PTDSS1: variants seen among roughly 807,000 people sequenced by gnomAD.
PTDSS1 encodes the protein phosphatidylserine synthase 1, also known as PSS-1.
In PTDSS1, 45 loss-of-function variants were observed where a neutral mutation model predicts 70.5. That is an observed-to-expected ratio of 0.64 (90% CI 0.50 to 0.82). PTDSS1 has a LOEUF of 0.82. Among genes scored for constraint, PTDSS1 ranks in the 40% least tolerant of loss-of-function variants. The probability of loss-of-function intolerance (pLI) is 0.00; values close to 1 mark genes in which losing one functional copy is unlikely to be tolerated. For missense variants in PTDSS1, 417 were observed against 586.1 expected, an observed-to-expected ratio of 0.71 and a Z score of 2.98; for synonymous variants, 188 against 203.8, an observed-to-expected ratio of 0.92 and a Z score of 0.66.
chr8:96,290,353 G>A (rs1390315431), intron 4 of PTDSS1, among the ~76,000 whole-genome samples: 1 of 152,178 alleles, frequency 6.6e-6, no homozygotes, highest in African/African-American at 2.4e-5. Context: ...GTGCTTGTGT[G>A]CCTCTGCTGA....
At chr8:96,330,647 T>A (rs1376225247) in intron 11 of PTDSS1, 1 of 369,804 alleles carries the variant, frequency 2.7e-6, no homozygotes, top group African/African-American at 2.0e-5. Flanking sequence ...CTGTGGCTCT[T>A]CTGGGCAAAC....
intron 7 of PTDSS1, among the ~76,000 whole-genome samples, 161 bp downstream of exon 7, chr8:96,304,342 G>A (rs754806146): frequency 1.3e-5 from 2 of 152,218 alleles, no homozygotes; most frequent in East Asian, 1.9e-4. Context: ...GCAAAGTGAT[G>A]TTGTTATGCC....
intron 2 of PTDSS1, among the ~76,000 whole-genome samples, chr8:96,279,673 G>T (rs1000318751): frequency 7.2e-5 from 11 of 151,982 alleles, no homozygotes; most frequent in Admixed American, 4.6e-4. Context: ...ACAAAAATTA[G>T]CCAGGTGGGG....
chr8:96,291,111 C>T (rs2130067768), intron 4 of PTDSS1, among the ~76,000 whole-genome samples: 1 of 152,074 alleles, frequency 6.6e-6, no homozygotes, highest in Admixed American at 6.6e-5. Context: ...TTAATGCTGA[C>T]CCAGCTTTTC....
chr8:96,277,403 C>A (rs531702654), intron 2 of PTDSS1, among the ~76,000 whole-genome samples: 16 of 152,226 alleles, frequency 1.1e-4, no homozygotes, highest in Non-Finnish European at 2.1e-4. Flanking sequence ...AGGCCACAGG[C>A]CTCCCCAGGA....
intron 1 of PTDSS1, among the ~76,000 whole-genome samples, chr8:96,271,074 G>A (rs1810559067): frequency 6.6e-6 from 1 of 152,154 alleles, no homozygotes; most frequent in African/African-American, 2.4e-5. Context: ...AGAGAATGAT[G>A]TATTCACGTC....
chr8:96,329,454 T>A lies in PTDSS1; in HGVS notation c.1174-759T>A, dbSNP rs143203208. Among the ~76,000 whole-genome samples, 1,003 of 152,234 alleles carry A rather than the reference T, an allele frequency of 6.6e-3. 7 individuals carry two copies. Among genetic ancestry groups the A allele is most frequent in the Middle Eastern group, 0.024 (7 of 294 alleles). On this transcript the variant is annotated intron_variant, in intron 10 of 12. Transcript: ENST00000517309. Reference sequence around the variant, plus strand: ...TCCTAAGCTTTGATTTTTTGACATGTTTTGAAACTTTGGATTCTTGTCTGT... The same window carrying A: ...TCCTAAGCTTTGATTTTTTGACATGATTTGAAACTTTGGATTCTTGTCTGT...
intron 1 of PTDSS1, among the ~76,000 whole-genome samples, chr8:96,265,553 G>C (rs1222972989): frequency 2.0e-5 from 3 of 152,048 alleles, no homozygotes; most frequent in Non-Finnish European, 4.4e-5. Context: ...TTTCCAGCCT[G>C]GACAACATGG....
At position 96,331,612 on chromosome 8, in the gene PTDSS1, C is replaced by T. The variant is rs138323909; in HGVS notation, c.1312+517C>T. On this transcript the variant is annotated intron_variant, in intron 12 of 12. Transcript: ENST00000517309. ...AGAAAAGAAAAGAAAAAGAAACATGCAAAATGCTCACAGGATCTGAGTGAA... is the reference window on the plus strand; with the variant it reads ...AGAAAAGAAAAGAAAAAGAAACATGTAAAATGCTCACAGGATCTGAGTGAA... Among the ~76,000 whole-genome samples the T allele has an allele frequency of 4.9e-4, 74 of 151,830 alleles. 1 individual carries two copies. Among genetic ancestry groups the T allele is most frequent in the Non-Finnish European group, 9.7e-4 (66 of 67,916 alleles).
chr8:96,297,483 T>C (rs1810991894), intron 5 of PTDSS1, among the ~76,000 whole-genome samples: 1 of 152,084 alleles, frequency 6.6e-6, no homozygotes, highest in African/African-American at 2.4e-5. Context: ...AGGCCTCCAT[T>C]ACTCTTAAAA....
At position 96,297,935 on chromosome 8, in the gene PTDSS1, C is replaced by T. The variant is rs374238556; in HGVS notation, c.601-1759C>T. On this transcript the variant is annotated intron_variant, in intron 5 of 12. Coordinates refer to ENST00000517309, the MANE Select transcript of PTDSS1 (RefSeq NM_014754.3). ...TGTAGTGAATGAAAGAATGCAGCCC[C>T]CTCCTCCTTGGGCTTGGGTCTATCG... Among the ~76,000 whole-genome samples the T allele has an allele frequency of 2.0e-5, 3 of 152,354 alleles. No homozygotes were observed. In the East Asian group the frequency reaches 5.8e-4, roughly 29 times the overall value.
chr8:96,313,602 G>T (rs1465584401), intron 9 of PTDSS1, among the ~76,000 whole-genome samples: 1 of 152,220 alleles, frequency 6.6e-6, no homozygotes, highest in African/African-American at 2.4e-5. Flanking sequence ...GCAGTGCACA[G>T]TTGCTTTTCC....
intron 2 of PTDSS1, among the ~76,000 whole-genome samples, chr8:96,274,354 C>G (rs1434124274): frequency 2.0e-5 from 3 of 152,134 alleles, no homozygotes; most frequent in African/African-American, 7.2e-5. Context: ...TGTTCCATGT[C>G]AAGGCCTTCA....
intron 7 of PTDSS1, 36 bp downstream of exon 7, chr8:96,304,217 CA>C: frequency 6.3e-7 from 1 of 1,576,042 alleles, no homozygotes; most frequent in Non-Finnish European, 8.6e-7. Flanking sequence ...GGGAGGAAAA[CA>C]AAAACTAAAA....
intron 2 of PTDSS1, among the ~76,000 whole-genome samples, chr8:96,276,204 C>T (rs1810638495): frequency 6.6e-6 from 1 of 152,226 alleles, no homozygotes; most frequent in African/African-American, 2.4e-5. Context: ...GTACAGGCGT[C>T]CCTTCTCTAA....
intron 4 of PTDSS1, 136 bp downstream of exon 4, chr8:96,287,282 G>T (rs1365208204): frequency 1.6e-6 from 2 of 1,250,616 alleles, no homozygotes; most frequent in Admixed American, 2.3e-5. Flanking sequence ...TCTCTGGGAG[G>T]GTTGTTGAGT....
At chr8:96,311,640 C>T (rs531378995) in intron 9 of PTDSS1, among the ~76,000 whole-genome samples, 4 of 152,218 alleles carry the variant, frequency 2.6e-5, no homozygotes, top group African/African-American at 7.2e-5. Context: ...AGGTTCCTCC[C>T]GACCCTTAGA....
chr8:96,282,806 A>G (rs757127908), intron 2 of PTDSS1, among the ~76,000 whole-genome samples: 34 of 152,220 alleles, frequency 2.2e-4, no homozygotes, highest in Non-Finnish European at 3.5e-4. Context: ...ACAGAAGCTG[A>G]CTGTGCTTAT....
At chr8:96,305,872 G>C (rs543983340) in intron 7 of PTDSS1, among the ~76,000 whole-genome samples, 36 of 152,252 alleles carry the variant, frequency 2.4e-4, no homozygotes, top group African/African-American at 7.0e-4. Flanking sequence ...GTAGAGATGA[G>C]ATTTCACCAT....
Sources: allele counts gnomAD v4.1 joint callset (sites outside exome capture counted in the v4.1 genomes callset), GRCh38; gene constraint gnomAD v4.1.1; transcripts MANE v1.5; gene names NCBI Gene and HGNC (gene_info 2026-07-23, HGNC 2026-07-21).